CACNA1C: variants seen among roughly 807,000 people sequenced by gnomAD.
CACNA1C encodes voltage-dependent L-type calcium channel subunit alpha-1C.
CACNA1C carries 30 observed loss-of-function variants against 229.0 expected under a neutral mutation model. The observed-to-expected ratio is 0.13, with a 90% CI of 0.10 to 0.18. The LOEUF is 0.18. CACNA1C is among the 10% of genes least tolerant of loss of function. CACNA1C has a pLI of 1.00. For missense variants in CACNA1C, 1,658 were observed against 2,845.0 expected, an observed-to-expected ratio of 0.58 and a Z score of 9.49; for synonymous variants, 1,114 against 1,132.5, an observed-to-expected ratio of 0.98 and a Z score of 0.33.
At chr12:1,993,018 C>A (rs1214165034) in intron 1 of CACNA1C, 1 of 649,450 alleles carries the variant, frequency 1.5e-6, no homozygotes, top group African/African-American at 1.8e-5. Flanking sequence ...CACTACAAAT[C>A]CATAAAGCTT....
intron 3 of CACNA1C, among the ~76,000 whole-genome samples, chr12:2,189,585 G>C (rs1158596177): frequency 1.3e-5 from 2 of 152,170 alleles, no homozygotes; most frequent in Non-Finnish European, 2.9e-5. Context: ...GCTTCCAAAG[G>C]GCAGCTTCCA....
chr12:2,394,718 G>C (rs1468081807), intron 3 of CACNA1C, among the ~76,000 whole-genome samples: 1 of 152,198 alleles, frequency 6.6e-6, no homozygotes, highest in African/African-American at 2.4e-5. Context: ...GGACACCTCT[G>C]TCAGGAAGAG....
At position 2,035,203 on chromosome 12, in the gene CACNA1C, C is replaced by G. The variant is rs370965599; in HGVS notation, c.139+64002C>G. ...CGCCAAGGCACGTTCTCCTGCTGCT[C>G]CAGAACTGCCACCTTCCAAGTCCTG... On this transcript the variant is annotated intron_variant, in intron 1 of 46. Coordinates refer to the CACNA1C transcript ENST00000682462. 2.0e-5 allele frequency among the ~76,000 whole-genome samples: 3 copies of G among 152,352 alleles called. No individual in the cohort carries two copies. The East Asian group carries it at 5.8e-4, about 29-fold the overall frequency.
chr12:1,988,102 AT>A (rs2038322875), intron 1 of CACNA1C, among the ~76,000 whole-genome samples: 1 of 152,182 alleles, frequency 6.6e-6, no homozygotes, highest in Admixed American at 6.5e-5. Flanking sequence ...TTCCTGGATG[AT>A]TTGTATATCA....
chr12:2,538,198 G>A (rs539582847), intron 9 of CACNA1C, among the ~76,000 whole-genome samples: 1 of 152,308 alleles, frequency 6.6e-6, no homozygotes, highest in Admixed American at 6.5e-5. Context: ...TTATGGTGAT[G>A]GCAGAGCGCA....
rs946171187 is a variant in CACNA1C, at chr12:2,605,300, G to A, written c.3048+132G>A. On this transcript the variant is annotated intron_variant, in intron 23 of 46. Transcript: ENST00000399655. The surrounding 1 kb of genome is among the most constrained non-coding windows in gnomAD (Gnocchi z 6.2). ...CTGCCATGTGGGGTCCCGGACACTG[G>A]TCCCACTGCATGTCCCGGTTCCGTA... 2 of 653,898 alleles carry A rather than the reference G, an allele frequency of 3.1e-6. No homozygotes were observed. The highest frequency in any genetic ancestry group is 5.5e-6 in the Non-Finnish European group (2 of 362,806). The allele number at this position is 653,898 out of a possible 1,614,324, so 40.5% of individuals were successfully genotyped here. A position where few individuals can be genotyped will look rare whatever the true frequency, so the allele number is the denominator to read the frequency against.
Position 2,255,233 on chromosome 12 carries a change from A to G in CACNA1C, c.477+134803A>G, listed in dbSNP as rs1306875048. Among the ~76,000 whole-genome samples, 3 of 151,864 alleles carry G rather than the reference A, an allele frequency of 2.0e-5. No individual in the cohort carries two copies. The East Asian group carries it at 5.8e-4, about 29-fold the overall frequency. ...ACTGAGGTACTGTGAGAGCCAGTGA[A>G]ATCACGGTTATGGGATGCTCAGCAT... is the stretch of plus-strand genomic sequence containing the variant. On this transcript the variant is annotated intron_variant, in intron 3 of 46. Transcript: ENST00000399655.
chr12:2,327,066 G>A (rs1278594014), intron 3 of CACNA1C, among the ~76,000 whole-genome samples: 1 of 151,716 alleles, frequency 6.6e-6, no homozygotes, highest in Non-Finnish European at 1.5e-5. Flanking sequence ...TGGACCATGA[G>A]TAGGAGATGA....
intron 3 of CACNA1C, among the ~76,000 whole-genome samples, chr12:2,201,399 C>G (rs150439275): frequency 3.3e-5 from 5 of 152,316 alleles, no homozygotes; most frequent in Non-Finnish European, 7.4e-5. Context: ...TACAAACCCA[C>G]TAACACTTTT....
chr12:2,347,215 C>A (rs1486223736), intron 3 of CACNA1C, among the ~76,000 whole-genome samples: 2 of 152,184 alleles, frequency 1.3e-5, no homozygotes, highest in Non-Finnish European at 2.9e-5. Context: ...CAAATGCACC[C>A]TTTCTCACCT....
chr12:2,184,466 A>G lies in CACNA1C; in HGVS notation c.477+64036A>G, dbSNP rs141824404. Among the ~76,000 whole-genome samples, 295 of 152,244 alleles carry G rather than the reference A, an allele frequency of 1.9e-3. 1 individual carries two copies. The highest frequency in any genetic ancestry group is 6.7e-3 in the African/African-American group (277 of 41,520). ...TGTGTTAGTTTGGAGTCTTCGGTGA[A>G]TACGTTAGGGTACATGTTTCTTCGT... On this transcript the variant is annotated intron_variant, in intron 3 of 46. Coordinates refer to ENST00000399655, the MANE Select transcript of CACNA1C (RefSeq NM_000719.7).
intron 29 of CACNA1C, 28 bp from the exon 30 acceptor site, chr12:2,634,269 C>G (rs1253952273): frequency 1.8e-6 from 2 of 1,115,138 alleles, no homozygotes; most frequent in Non-Finnish European, 2.4e-6. Context: ...CTTCTTCTCT[C>G]TCTCCCCGGC....
rs1329388956 is a variant in CACNA1C, at chr12:2,697,452, C to T, written c.*6253C>T. The T allele has an allele frequency of 6.6e-6, 1 of 152,140 alleles. No individual in the cohort carries two copies. Among genetic ancestry groups the T allele is most frequent in the African/African-American group, 2.4e-5 (1 of 41,424 alleles). 9.4% of individuals were successfully genotyped at this position (152,140 alleles called of 1,614,324 possible). ...ATATTGCTGTTTTATTTTAATCCAC[C>T]AGAGCTACCATGCAAAACTTTCCTC... On this transcript the variant is annotated 3_prime_UTR_variant, in exon 47 of 47. Transcript: ENST00000399655.
intron 11 of CACNA1C, among the ~76,000 whole-genome samples, chr12:2,564,056 T>C (rs12316536): frequency 6.6e-6 from 1 of 152,178 alleles, no homozygotes; most frequent in African/African-American, 2.4e-5. Flanking sequence ...CCATGGACTG[T>C]GATTTAGAAT....
At chr12:2,498,157 T>C (rs780335348) in intron 7 of CACNA1C, among the ~76,000 whole-genome samples, 3 of 152,124 alleles carry the variant, frequency 2.0e-5, no homozygotes, top group African/African-American at 7.2e-5. Context: ...GAATATAGAG[T>C]TGCTGAAGGC....
chr12:2,113,651 C>T (rs2082641512), intron 1 of CACNA1C, among the ~76,000 whole-genome samples: 1 of 152,192 alleles, frequency 6.6e-6, no homozygotes, highest in South Asian at 2.1e-4. Flanking sequence ...TCACCGCCCA[C>T]AGTAGCACCC....
intron 14 of CACNA1C, among the ~76,000 whole-genome samples, chr12:2,582,251 C>G (rs182893425): frequency 6.6e-6 from 1 of 151,846 alleles, no homozygotes; most frequent in East Asian, 1.9e-4. Flanking sequence ...GGGAGGGTGA[C>G]GAAACCCTGG....
intron 3 of CACNA1C, among the ~76,000 whole-genome samples, chr12:2,233,821 A>G (rs969498490): frequency 6.6e-6 from 1 of 152,124 alleles, no homozygotes; most frequent in African/African-American, 2.4e-5. Flanking sequence ...CTCCTCTTCA[A>G]ACCACTCTCA....
At chr12:2,379,305 G>A (rs1329736267) in intron 3 of CACNA1C, among the ~76,000 whole-genome samples, 4 of 152,164 alleles carry the variant, frequency 2.6e-5, no homozygotes, top group East Asian at 1.9e-4. Flanking sequence ...AGGCTGTCCC[G>A]GGCTAATAAT....
Sources: gnomAD v4.1 joint callset for allele counts (sites outside exome capture counted in the v4.1 genomes callset) on GRCh38, gnomAD v4.1.1 for gene constraint, Gnocchi (gnomAD v3.1) non-coding constraint, MANE v1.5 for transcripts, NCBI Gene and HGNC (gene_info 2026-07-23, HGNC 2026-07-21) for gene names.